Variants in NAV2 observed in about 807,000 individuals in gnomAD.
NAV2 encodes the protein helicase, APC down-regulated 1.
In NAV2, 54 loss-of-function variants were observed where a neutral mutation model predicts 223.2. The ratio of observed to expected loss-of-function variants is 0.24; its 90% CI spans 0.19 to 0.30. The LOEUF is 0.30. Among genes scored for constraint, NAV2 ranks in the 10% least tolerant of loss-of-function variants. NAV2 has a pLI of 1.00. For missense variants in NAV2, 2,806 were observed against 3,147.5 expected (o/e 0.89, Z 2.60); for synonymous variants, 1,279 against 1,239.3 (o/e 1.03, Z -0.67).
intron 31 of NAV2, among the ~76,000 whole-genome samples, chr11:20,100,379 C>G (rs1313336538): frequency 6.6e-6 from 1 of 152,136 alleles, no homozygotes; most frequent in Non-Finnish European, 1.5e-5. Flanking sequence ...TGCATTTTTC[C>G]TCCTTTTAAA....
At position 20,105,493 on chromosome 11, in the gene NAV2, CCAT is replaced by C; in HGVS notation, c.6645-32_6645-30del. On this transcript the variant is annotated intron_variant, in intron 34 of 37. Transcript: ENST00000349880. ...CTGAGGTCAGCCATCATTTGGATCA[CCAT>C]CATCAGCTTGAAAAGTGTTTCTGAC... 1.9e-6 allele frequency: 3 copies of C among 1,567,730 alleles called. No homozygotes were observed. In the African/African-American group the frequency reaches 4.0e-5, roughly 21 times the overall value.
At chr11:20,001,893 G>C (rs1047368767) in intron 11 of NAV2, among the ~76,000 whole-genome samples, 1 of 151,628 alleles carries the variant, frequency 6.6e-6, no homozygotes, top group African/African-American at 2.4e-5. Flanking sequence ...GAGATGATGT[G>C]GGGGTGTGGC....
At chr11:19,620,419 G>A (rs1021907878) in intron 1 of NAV2, among the ~76,000 whole-genome samples, 3 of 152,066 alleles carry the variant, frequency 2.0e-5, no homozygotes, top group African/African-American at 4.8e-5. Context: ...ATTTGTTTGT[G>A]TCCTCTTTTA....
rs114963903 is a variant in NAV2, at chr11:19,706,523, A to C, written c.76-125961A>C. On this transcript the variant is annotated intron_variant, in intron 1 of 37. Transcript: ENST00000360655. ...GTATTGGTTATATTGTTTGTCATTC[A>C]TTTATTCCCCTGTTTGGTTTCCCTA... Among the ~76,000 whole-genome samples the C allele has an allele frequency of 3.3e-3, 508 of 152,184 alleles. 5 individuals are homozygous for C. Among genetic ancestry groups the C allele is most frequent in the African/African-American group, 0.011 (465 of 41,512 alleles).
intron 1 of NAV2, among the ~76,000 whole-genome samples, chr11:19,542,078 C>T (rs550829716): frequency 1.3e-3 from 201 of 152,274 alleles, no homozygotes; most frequent in Non-Finnish European, 2.5e-3. Flanking sequence ...CCACCATTGA[C>T]CTCATATGGG....
At chr11:19,371,497 T>C (rs1046115175) in intron 1 of NAV2, among the ~76,000 whole-genome samples, 4 of 152,236 alleles carry the variant, frequency 2.6e-5, no homozygotes, top group Non-Finnish European at 5.9e-5. Context: ...TAACGTTTAT[T>C]GAGTACTTAC....
chr11:19,486,370 A>G (rs1357205642), intron 1 of NAV2, among the ~76,000 whole-genome samples: 1 of 152,054 alleles, frequency 6.6e-6, no homozygotes, highest in Non-Finnish European at 1.5e-5. Flanking sequence ...GCCTTAGCCA[A>G]TGATATGGTT....
At chr11:19,928,047 C>T (rs116741876) in intron 6 of NAV2, among the ~76,000 whole-genome samples, 250 of 152,226 alleles carry the variant, frequency 1.6e-3, no homozygotes, top group African/African-American at 5.7e-3. Context: ...GAACCTAGTC[C>T]TTATTTGAGC....
chr11:20,063,218 A>G (rs1391461988), intron 20 of NAV2, among the ~76,000 whole-genome samples: 3 of 152,202 alleles, frequency 2.0e-5, no homozygotes, highest in African/African-American at 4.8e-5. Flanking sequence ...AAAACAATGA[A>G]TATAGTACAC....
chr11:19,369,163 A>G (rs770133032), intron 1 of NAV2, among the ~76,000 whole-genome samples: 1 of 152,326 alleles, frequency 6.6e-6, no homozygotes, highest in Non-Finnish European at 1.5e-5. Context: ...GCAGGATGTA[A>G]TTATGGTTCT....
At chr11:19,944,863 G>C (rs145895806) in intron 8 of NAV2, among the ~76,000 whole-genome samples, 2 of 137,488 alleles carry the variant, frequency 1.5e-5, no homozygotes. Flanking sequence ...TGTCTTGCTT[G>C]TCTTTCTTTC....
intron 3 of NAV2, among the ~76,000 whole-genome samples, chr11:19,862,531 A>G (rs1413716735): frequency 1.3e-5 from 2 of 152,242 alleles, no homozygotes; most frequent in African/African-American, 4.8e-5. Context: ...CATCAGCCTG[A>G]GTAGCTTACA....
At chr11:19,411,164 C>T (rs1850129078) in intron 1 of NAV2, among the ~76,000 whole-genome samples, 1 of 152,124 alleles carries the variant, frequency 6.6e-6, no homozygotes, top group African/African-American at 2.4e-5. Context: ...TAGGTGAGTC[C>T]TGAGAATCTG....
chr11:19,964,443 T>G (rs1189483949), intron 10 of NAV2, among the ~76,000 whole-genome samples: 1 of 152,126 alleles, frequency 6.6e-6, no homozygotes, highest in African/African-American at 2.4e-5. Flanking sequence ...TATTGAACAC[T>G]TTTAAATGCC....
intron 1 of NAV2, among the ~76,000 whole-genome samples, chr11:19,402,653 A>G (rs1271109257): frequency 6.6e-6 from 1 of 152,238 alleles, no homozygotes; most frequent in Non-Finnish European, 1.5e-5. Flanking sequence ...ATAGCAGGCA[A>G]TCAATAGACA....
intron 1 of NAV2, among the ~76,000 whole-genome samples, chr11:19,403,995 C>A (rs10766551): frequency 0.82 from 124,184 of 151,632 alleles, 51,605 homozygotes; most frequent in Non-Finnish European, 0.9. Flanking sequence ...GAGGTAGTAG[C>A]AGACTGGGAA....
chr11:19,379,967 A>T (rs994149535), intron 1 of NAV2, among the ~76,000 whole-genome samples: 1 of 151,862 alleles, frequency 6.6e-6, no homozygotes, highest in Non-Finnish European at 1.5e-5. Context: ...ATCTATAGTT[A>T]TAGACATATA....
intron 1 of NAV2, among the ~76,000 whole-genome samples, chr11:19,782,795 C>G (rs1238043134): frequency 6.6e-6 from 1 of 152,182 alleles, no homozygotes; most frequent in Non-Finnish European, 1.5e-5. Context: ...AGCCTGACCT[C>G]CCACTAAGAA....
At chr11:19,604,805 G>A (rs562316645) in intron 1 of NAV2, among the ~76,000 whole-genome samples, 1 of 152,166 alleles carries the variant, frequency 6.6e-6, no homozygotes, top group South Asian at 2.1e-4. Flanking sequence ...TGAATTATGG[G>A]GGCGGGTCTT....
Sources: allele counts gnomAD v4.1 joint callset (sites outside exome capture counted in the v4.1 genomes callset), GRCh38; gene constraint gnomAD v4.1.1; transcripts MANE v1.5; gene names NCBI Gene and HGNC (gene_info 2026-07-23, HGNC 2026-07-21).